The following TPO variants were observed in gnomAD, a reference collection of about 807,000 sequenced individuals.
TPO encodes thyroid microsomal antigen.
TPO carries 78 observed loss-of-function variants against 96.9 expected under a neutral mutation model. The observed-to-expected ratio is 0.81, with a 90% CI of 0.67 to 0.97. TPO has a LOEUF of 0.97. TPO is among the 50% of genes least tolerant of loss of function. The pLI is 0.00. For missense variants in TPO, 1,252 were observed against 1,274.8 expected (o/e 0.98, Z 0.27); for synonymous variants, 547 against 538.0 (o/e 1.02, Z -0.23).
At chr2:1,478,114 G>C (rs1670159843) in intron 8 of TPO, 1 of 985,316 alleles carries the variant, frequency 1.0e-6, no homozygotes, top group Non-Finnish European at 1.2e-6. Flanking sequence ...TCTGTGTGAG[G>C]ATTCTGAACT....
At chr2:1,523,514 A>T (rs1675674220) in intron 15 of TPO, among the ~76,000 whole-genome samples, 1 of 69,070 alleles carries the variant, frequency 1.4e-5, no homozygotes, top group South Asian at 5.5e-4. Context: ...GACTCTATGC[A>T]ACCTCCCCAA....
At chr2:1,422,361 C>T (rs1234292844) in intron 2 of TPO, among the ~76,000 whole-genome samples, 2 of 140,244 alleles carry the variant, frequency 1.4e-5, no homozygotes, top group Non-Finnish European at 3.3e-5. Context: ...GTGCAGGCGC[C>T]GCGCTGGACC....
chr2:1,381,709 C>T lies in TPO; in HGVS notation n.180+7307C>T, dbSNP rs1409120944. Among the ~76,000 whole-genome samples, 3 of 152,106 alleles carry T rather than the reference C, an allele frequency of 2.0e-5. No homozygotes were observed. In the South Asian group the frequency reaches 6.2e-4, roughly 32 times the overall value. On this transcript the variant is annotated intron_variant and non_coding_transcript_variant, in intron 1 of 5. Transcript: ENST00000497517. ...TTGAAATATGTTTTGTGTTTTAACC[C>T]ATTGATGTTAACATGAAGATGTGCT...
At chr2:1,420,487 A>T (rs1663403459) in intron 2 of TPO, among the ~76,000 whole-genome samples, 1 of 152,132 alleles carries the variant, frequency 6.6e-6, no homozygotes, top group African/African-American at 2.4e-5. Context: ...GATCAGCAGG[A>T]TCAAAATTTC....
At chr2:1,526,830 C>CCAAATCCTCCCCACTCTGTGCAACCTCCA (rs1676638543) in intron 15 of TPO, among the ~76,000 whole-genome samples, 1 of 133,858 alleles carries the variant, frequency 7.5e-6, no homozygotes, top group Admixed American at 7.5e-5. Context: ...TGCAACCTCC[C>CCAAATCCTCCCCACTCTGTGCAACCTCCA]CAAATCCTCC....
rs775151016 is a variant in TPO at position 1,531,221 on chromosome 2, CG to C, written c.2619-9372del. On this transcript the variant is annotated intron_variant, in intron 15 of 16. Coordinates refer to ENST00000329066, the MANE Select transcript of TPO (RefSeq NM_001206744.2). ...CACACTGTCTGCAACCACCCCAAAT[CG>C]CCCCCACTGTGTGCAACCGCCTCAT... Among the ~76,000 whole-genome samples, 46 of 110,086 alleles carry C rather than the reference CG, an allele frequency of 4.2e-4. No individual in the cohort carries two copies. The East Asian group carries it at 9.9e-3, about 24-fold the overall frequency. The allele number at this position is 110,086 out of a possible 152,430, so 72.2% of individuals were successfully genotyped here.
At chr2:1,541,349 G>T in intron 16 of TPO, 1 of 283,304 alleles carries the variant, frequency 3.5e-6, no homozygotes, top group African/African-American at 2.4e-5. Flanking sequence ...TTTCAAAATT[G>T]CTAAAACAAT....
chr2:1,535,062 TC>T (rs369802946), intron 15 of TPO, among the ~76,000 whole-genome samples: 7,664 of 14,342 alleles, frequency 0.53, 1,351 homozygotes, highest in South Asian at 0.61. Flanking sequence ...CCTCCCCAAA[TC>T]TCCCCCACTC....
chr2:1,516,185 C>T (rs946144763), intron 14 of TPO, among the ~76,000 whole-genome samples: 2 of 152,190 alleles, frequency 1.3e-5, no homozygotes, highest in Non-Finnish European at 2.9e-5. Flanking sequence ...AGGCCCCTCA[C>T]CAGATGCTCT....
chr2:1,534,726 T>C (rs1679165397), intron 15 of TPO, among the ~76,000 whole-genome samples: 5 of 119,748 alleles, frequency 4.2e-5, no homozygotes, highest in African/African-American at 6.7e-5. Flanking sequence ...CTCAATTCCC[T>C]CTAGTGTGTG....
intron 2 of TPO, among the ~76,000 whole-genome samples, chr2:1,416,184 T>C (rs1300313330): frequency 6.6e-6 from 1 of 152,144 alleles, no homozygotes; most frequent in African/African-American, 2.4e-5. Context: ...AAACAAAAAA[T>C]AAAAATGGAG....
chr2:1,512,583 C>A, intron 14 of TPO: 1 of 696,116 alleles, frequency 1.4e-6, no homozygotes, highest in Non-Finnish European at 1.8e-6. Context: ...CAGGGTCCGC[C>A]GCAGAACACG....
intron 14 of TPO, among the ~76,000 whole-genome samples, chr2:1,509,620 GTCAGGCACACCCCACCCTCTTCTT>G (rs1325602342): frequency 1.3e-4 from 17 of 128,618 alleles, no homozygotes; most frequent in South Asian, 2.6e-4. Context: ...ACCCTCCTGT[GTCAGGCACACCCCACCCTCTTCTT>G]TCAGGCACAC....
intron 15 of TPO, among the ~76,000 whole-genome samples, chr2:1,529,353 C>G (rs1242602647): frequency 8.4e-6 from 1 of 119,590 alleles, no homozygotes; most frequent in Non-Finnish European, 1.7e-5. Flanking sequence ...GTGCAACCTC[C>G]CCAAATCCCC....
chr2:1,415,621 G>A (rs1356039389), intron 2 of TPO, among the ~76,000 whole-genome samples: 2 of 148,450 alleles, frequency 1.3e-5, no homozygotes, highest in Admixed American at 1.3e-4. Flanking sequence ...AGGTCCCTGG[G>A]CCTCTGCACA....
intron 5 of TPO, among the ~76,000 whole-genome samples, chr2:1,452,081 C>T (rs961754135): frequency 1.3e-5 from 2 of 151,966 alleles, no homozygotes; most frequent in African/African-American, 4.8e-5. Flanking sequence ...TTTTATTTTG[C>T]ATGTTACTTT....
chr2:1,423,604 G>C (rs28909375), intron 3 of TPO, among the ~76,000 whole-genome samples: 2,432 of 152,140 alleles, frequency 0.016, 25 homozygotes, highest in Non-Finnish European at 0.024. Flanking sequence ...GAATATTGTG[G>C]TCTCATATTA....
Position 1,496,033 on chromosome 2 carries a change from G to A in TPO, c.2051G>A (p.Arg684His), listed in dbSNP as rs151064519. 216 of 1,613,686 alleles carry A rather than the reference G, an allele frequency of 1.3e-4. 1 individual carries two copies. In the Admixed American group the frequency reaches 2.0e-3, roughly 15 times the overall value. ...CACGTCTTCACGGATGCACAGAGGC[G>A]TGAGCTGGAGAAGCACTCCCTGTCT... ...NSHVFTDAQRRELEKHSLSRV... is the reference protein window; with the variant it reads ...NSHVFTDAQRHELEKHSLSRV... The change falls in exon 12 of 17, where the codon CGT (arginine) becomes CAT (histidine). Residue 684 changes from arginine to histidine, a missense_variant. Transcript: ENST00000329066.
At chr2:1,439,184 G>A (rs962801355) in intron 5 of TPO, 56 of 262,580 alleles carry the variant, frequency 2.1e-4, no homozygotes, top group African/African-American at 1.0e-3. Flanking sequence ...GCTGCTGGGC[G>A]GGCTCCACTG....
Sources: gnomAD v4.1 joint callset for allele counts (sites outside exome capture counted in the v4.1 genomes callset) on GRCh38, gnomAD v4.1.1 for gene constraint, MANE v1.5 for transcripts, NCBI Gene and HGNC (gene_info 2026-07-23, HGNC 2026-07-21) for gene names.